Variants in RBFOX1 observed in about 807,000 individuals in gnomAD.
RBFOX1 encodes the protein RNA binding fox-1 homolog 1.
In RBFOX1, 8 loss-of-function variants were observed where a neutral mutation model predicts 57.7. That is an observed-to-expected ratio of 0.14 (90% confidence interval 0.08 to 0.25). The LOEUF is 0.25. Ranked by LOEUF, RBFOX1 falls within the 10% of genes least tolerant of loss-of-function variation. The pLI, the probability that RBFOX1 is intolerant of heterozygous loss-of-function variation, is 1.00. For missense variants in RBFOX1, 611 were observed against 548.5 expected, an observed-to-expected ratio of 1.11 and a Z score of -1.14; for synonymous variants, 326 against 222.4, an observed-to-expected ratio of 1.47 and a Z score of -4.15.
intron 3 of RBFOX1, among the ~76,000 whole-genome samples, chr16:6,846,226 T>G (rs2093747056): frequency 6.6e-6 from 1 of 152,212 alleles, no homozygotes; most frequent in Non-Finnish European, 1.5e-5. Flanking sequence ...GTGCATGTTT[T>G]CAGTCTGTGT....
chr16:6,724,907 C>G (rs962412447), intron 3 of RBFOX1, among the ~76,000 whole-genome samples: 1 of 152,128 alleles, frequency 6.6e-6, no homozygotes, highest in East Asian at 1.9e-4. Flanking sequence ...AACTTCCTGA[C>G]CTTGCTGTAG....
In RBFOX1 at chr16:6,425,393, A is replaced by T. The variant is rs114077430; in HGVS notation, c.-64+108336A>T. On this transcript the variant is annotated intron_variant, in intron 2 of 15. Coordinates refer to ENST00000550418, the MANE Select transcript of RBFOX1 (RefSeq NM_018723.4). The stretch of plus-strand genomic sequence containing the variant: ...TTAACAGCCTCTCCTGAATATTCCA[A>T]TTATATTAAAAATGGCAGTAGTGTT... Among the ~76,000 whole-genome samples the T allele has an allele frequency of 2.8e-3, 424 of 152,270 alleles. 4 individuals carry two copies. Among genetic ancestry groups the T allele is most frequent in the African/African-American group, 9.7e-3 (403 of 41,566 alleles).
intron 3 of RBFOX1, among the ~76,000 whole-genome samples, chr16:5,631,330 AG>A (rs1340031627): frequency 6.6e-6 from 1 of 152,154 alleles, no homozygotes; most frequent in Non-Finnish European, 1.5e-5. Context: ...AAGCCGAGGC[AG>A]GTGGATCACG....
At chr16:7,252,053 T>C (rs4786992) in intron 4 of RBFOX1, among the ~76,000 whole-genome samples, 54,195 of 152,122 alleles carry the variant, frequency 0.36, 10,464 homozygotes, top group Middle Eastern at 0.48. Flanking sequence ...AAGGATATTG[T>C]GTTCTAGCAC....
intron 2 of RBFOX1, among the ~76,000 whole-genome samples, chr16:6,482,768 C>T (rs577988701): frequency 5.8e-4 from 88 of 152,228 alleles, no homozygotes; most frequent in African/African-American, 2.0e-3. Context: ...GGGCGCGGTG[C>T]TGGGGTCTTC....
intron 4 of RBFOX1, among the ~76,000 whole-genome samples, chr16:7,177,596 C>G (rs535525083): frequency 1.3e-4 from 20 of 152,218 alleles, no homozygotes; most frequent in Non-Finnish European, 2.8e-4. Context: ...CTTTGTAGAA[C>G]AGGTTGCTTG....
At chr16:5,474,738 G>T (rs2069262737) in intron 2 of RBFOX1, among the ~76,000 whole-genome samples, 1 of 152,056 alleles carries the variant, frequency 6.6e-6, no homozygotes, top group African/African-American at 2.4e-5. Flanking sequence ...GCATGGGGTA[G>T]CATGGGGTTC....
intron 1 of RBFOX1, among the ~76,000 whole-genome samples, chr16:6,170,283 C>T (rs890015735): frequency 8.5e-5 from 13 of 152,070 alleles, no homozygotes; most frequent in South Asian, 6.2e-4. Flanking sequence ...TTTTCTTACC[C>T]GCTGGGTTCC....
chr16:6,828,196 G>C (rs550314062), intron 3 of RBFOX1, among the ~76,000 whole-genome samples: 2 of 152,096 alleles, frequency 1.3e-5, no homozygotes, highest in African/African-American at 4.8e-5. Flanking sequence ...TCCCTTGCCC[G>C]TAGAAGTGAG....
intron 4 of RBFOX1, among the ~76,000 whole-genome samples, chr16:7,473,809 A>G (rs2062050606): frequency 2.0e-5 from 3 of 152,054 alleles, no homozygotes; most frequent in Admixed American, 6.6e-5. Context: ...TCATCTACTA[A>G]TTGCTTTCTT....
At chr16:7,184,097 G>A (rs2083256541) in intron 4 of RBFOX1, among the ~76,000 whole-genome samples, 2 of 152,184 alleles carry the variant, frequency 1.3e-5, no homozygotes, top group Admixed American at 6.5e-5. Context: ...GAGCCTGGCA[G>A]CACAAAGATG....
intron 3 of RBFOX1, among the ~76,000 whole-genome samples, chr16:6,701,404 A>C (rs527593229): frequency 2.6e-5 from 4 of 152,230 alleles, no homozygotes; most frequent in African/African-American, 9.6e-5. Context: ...AGACATCTGC[A>C]TTAGTCTGTT....
intron 4 of RBFOX1, among the ~76,000 whole-genome samples, chr16:5,875,846 CT>C (rs753084238): frequency 1.6e-3 from 229 of 141,264 alleles, no homozygotes; most frequent in Admixed American, 1.9e-3. Context: ...AAGAATCCCA[CT>C]TTTTTTTTTT....
At chr16:6,555,176 T>C (rs2097075190) in intron 2 of RBFOX1, among the ~76,000 whole-genome samples, 1 of 152,164 alleles carries the variant, frequency 6.6e-6, no homozygotes, top group African/African-American at 2.4e-5. Flanking sequence ...AATACTCTTT[T>C]AAAATCAGGA....
intron 4 of RBFOX1, among the ~76,000 whole-genome samples, chr16:7,453,956 G>T (rs940389444): frequency 1.3e-5 from 2 of 152,180 alleles, no homozygotes; most frequent in South Asian, 4.1e-4. Context: ...TAGCCAGCTG[G>T]GCACAATGGC....
At chr16:6,801,797 A>G (rs116998561) in intron 3 of RBFOX1, among the ~76,000 whole-genome samples, 73 of 152,208 alleles carry the variant, frequency 4.8e-4, no homozygotes, top group African/African-American at 1.7e-3. Context: ...TCAAAATTAC[A>G]AAGTTTTCCA....
intron 4 of RBFOX1, among the ~76,000 whole-genome samples, chr16:5,978,252 T>C (rs1207815581): frequency 6.7e-6 from 1 of 149,946 alleles, no homozygotes; most frequent in Non-Finnish European, 1.5e-5. Flanking sequence ...AATTGGAGGC[T>C]GCAGTGAGCT....
At chr16:6,985,960 G>A (rs1417879525) in intron 3 of RBFOX1, among the ~76,000 whole-genome samples, 2 of 150,394 alleles carry the variant, frequency 1.3e-5, no homozygotes, top group African/African-American at 4.9e-5. Flanking sequence ...TATAGAATAA[G>A]GCACTTTCCA....
intron 3 of RBFOX1, among the ~76,000 whole-genome samples, chr16:6,745,305 A>T (rs1050945539): frequency 2.6e-5 from 4 of 152,144 alleles, no homozygotes; most frequent in Non-Finnish European, 5.9e-5. Context: ...CTATGAGGCA[A>T]CGATTACTGT....
Sources: gnomAD v4.1 joint callset for allele counts (sites outside exome capture counted in the v4.1 genomes callset) on GRCh38, gnomAD v4.1.1 for gene constraint, MANE v1.5 for transcripts, NCBI Gene and HGNC (gene_info 2026-07-23, HGNC 2026-07-21) for gene names.